The following JAKMIP2 variants were observed in gnomAD, a reference collection of about 807,000 sequenced individuals.
JAKMIP2 encodes the protein janus kinase and microtubule-interacting protein 2.
JAKMIP2 carries 25 observed loss-of-function variants against 115.0 expected under a neutral mutation model. The observed-to-expected ratio is 0.22, with a 90% CI of 0.16 to 0.30. The LOEUF (loss-of-function observed/expected upper bound fraction) is 0.30. JAKMIP2 is among the 10% of genes least tolerant of loss of function. The pLI, the probability that JAKMIP2 is intolerant of heterozygous loss-of-function variation, is 1.00. For missense variants in JAKMIP2, 642 were observed against 957.6 expected (o/e 0.67, Z 4.35); for synonymous variants, 334 against 343.6 (o/e 0.97, Z 0.31).
At chr5:147,641,902 C>A (rs1757897644) in intron 7 of JAKMIP2, 138 bp from the exon 8 acceptor site, 2 of 653,846 alleles carry the variant, frequency 3.1e-6, no homozygotes, top group Non-Finnish European at 5.2e-6. Context: ...ATTTTGGCAA[C>A]TTTTGGGATT....
rs529648323 is a variant in JAKMIP2 at position 147,610,755 on chromosome 5, T to G, written c.2412+1551A>C. On this transcript the variant is annotated intron_variant, in intron 20 of 21. Coordinates refer to ENST00000616793, the MANE Select transcript of JAKMIP2 (RefSeq NM_001270941.2). The stretch of plus-strand genomic sequence containing the variant: ...TCTCTTCAGAGCCAGCAGGCAGGAA[T>G]GTTTAAGTCTGCTGAAGCTGCACCC... Among the ~76,000 whole-genome samples, 3 of 152,274 alleles carry G rather than the reference T, an allele frequency of 2.0e-5. No individual in the cohort carries two copies. The South Asian group carries it at 6.2e-4, about 32-fold the overall frequency.
At chr5:147,593,125 A>T (rs986373626) in intron 21 of JAKMIP2, among the ~76,000 whole-genome samples, 2 of 152,212 alleles carry the variant, frequency 1.3e-5, no homozygotes, top group Non-Finnish European at 2.9e-5. Flanking sequence ...AGAACTGAAG[A>T]GTGATGACAG....
At chr5:147,643,339 A>G (rs1757971568) in intron 7 of JAKMIP2, among the ~76,000 whole-genome samples, 2 of 152,140 alleles carry the variant, frequency 1.3e-5, no homozygotes, top group Non-Finnish European at 2.9e-5. Context: ...TCTGGAGACT[A>G]TTGCCTAACT....
intron 1 of JAKMIP2, among the ~76,000 whole-genome samples, chr5:147,685,275 C>T (rs915264850): frequency 1.3e-5 from 2 of 152,114 alleles, no homozygotes; most frequent in African/African-American, 4.8e-5. Context: ...AGATGATACC[C>T]AACTCTCAGT....
rs150273503 is a variant in JAKMIP2, at chr5:147,671,783, C to T, written c.24G>A (p.Lys8=). 248 of 1,585,736 alleles carry T rather than the reference C, an allele frequency of 1.6e-4. No individual in the cohort carries two copies. In the African/African-American group the frequency reaches 2.6e-3, roughly 16 times the overall value. ...CAATGAGTGCCTCGGGCTTCTCGCC[C>T]TTATTTCGCCCTTTCTTGGACATTG... MSKKGRN[K]GEKPEALIVA... is the part of the protein sequence containing the mutation. Residue 8 remains lysine (K), a synonymous_variant, in exon 2 of 22, where the codon AAG becomes AAA. Coordinates refer to ENST00000616793, the MANE Select transcript of JAKMIP2 (RefSeq NM_001270941.2).
In JAKMIP2 at chr5:147,589,116, C is replaced by A. The variant is rs1281655154; in HGVS notation, c.*2591G>T. On this transcript the variant is annotated 3_prime_UTR_variant, in exon 22 of 22. Transcript: ENST00000616793. The stretch of plus-strand genomic sequence containing the variant: ...CATTTCTTGCCTAATGAGCATATGG[C>A]TCATATTTAATCTGGAACCTACCTA... 1.3e-5 allele frequency: 2 copies of A among 152,076 alleles called. No individual in the cohort carries two copies. The highest frequency in any genetic ancestry group is 2.9e-5 in the Non-Finnish European group (2 of 68,020). The allele number at this position is 152,076 out of a possible 1,614,324, so 9.4% of individuals were successfully genotyped here.
chr5:147,664,751 CT>C (rs1759209781), intron 2 of JAKMIP2, among the ~76,000 whole-genome samples: 1 of 152,120 alleles, frequency 6.6e-6, no homozygotes, highest in South Asian at 2.1e-4. Flanking sequence ...AGGCTGGTAA[CT>C]TTTAGAAAGT....
intron 1 of JAKMIP2, among the ~76,000 whole-genome samples, chr5:147,723,130 G>A (rs1704293471): frequency 6.6e-6 from 1 of 152,068 alleles, no homozygotes; most frequent in South Asian, 2.1e-4. Flanking sequence ...GCTTTCCTAA[G>A]CTACTTGGCC....
In JAKMIP2 at chr5:147,631,763, G is replaced by A. The variant is rs543150222; in HGVS notation, c.1777-252C>T. Among the ~76,000 whole-genome samples, 13 of 152,324 alleles carry A rather than the reference G, an allele frequency of 8.5e-5. No individual in the cohort carries two copies. In the East Asian group the frequency reaches 2.3e-3, roughly 27 times the overall value. ...TTTTTTGATCAGGGAAATGCAGGAA[G>A]TGGAGCTCCAGTTTAAACTGTATGA... On this transcript the variant is annotated intron_variant, in intron 13 of 21. Transcript: ENST00000616793.
intron 1 of JAKMIP2, among the ~76,000 whole-genome samples, chr5:147,673,083 T>A (rs1759716233): frequency 6.6e-6 from 1 of 151,978 alleles, no homozygotes; most frequent in African/African-American, 2.4e-5. Flanking sequence ...AGAGAATGAA[T>A]GCAAGAAGAC....
chr5:147,613,973 G>C (rs1189583613), intron 19 of JAKMIP2, among the ~76,000 whole-genome samples: 1 of 152,164 alleles, frequency 6.6e-6, no homozygotes, highest in Non-Finnish European at 1.5e-5. Flanking sequence ...CCATAGTGCT[G>C]TCAGTGCTCC....
At chr5:147,627,380 C>G (rs916660717) in intron 16 of JAKMIP2, among the ~76,000 whole-genome samples, 2 of 151,128 alleles carry the variant, frequency 1.3e-5, no homozygotes, top group African/African-American at 4.9e-5. Context: ...GTGTAAAGGA[C>G]CAAGAGTGGA....
At chr5:147,610,633 G>C (rs867452292) in intron 20 of JAKMIP2, among the ~76,000 whole-genome samples, 86 of 152,314 alleles carry the variant, frequency 5.6e-4, no homozygotes, top group African/African-American at 2.0e-3. Flanking sequence ...CTCCTGGGAG[G>C]TATCTCCCAG....
rs142486849 is a variant in JAKMIP2 at position 147,661,443 on chromosome 5, T to G, written c.132A>C (p.Val44=). 1.2e-6 allele frequency: 2 copies of G among 1,609,276 alleles called. No individual in the cohort carries two copies. Among genetic ancestry groups the G allele is most frequent in the Non-Finnish European group, 1.7e-6 (2 of 1,178,144 alleles). The part of the protein sequence containing the change: ...QIELHQEKSK[V]SKLEREKTQE... The stretch of plus-strand genomic sequence containing the variant: ...GAGTCTTCTCTCTTTCAAGCTTTGA[T>G]ACCTAAAAACAGAGAGGCGAAATGA... Residue 44 remains valine (V), a splice_region_variant and synonymous_variant, in exon 3 of 22, where the codon GTA becomes GTC. Coordinates refer to ENST00000616793, the MANE Select transcript of JAKMIP2 (RefSeq NM_001270941.2).
intron 9 of JAKMIP2, among the ~76,000 whole-genome samples, chr5:147,640,205 C>T (rs1757816838): frequency 1.3e-5 from 2 of 152,138 alleles, no homozygotes; most frequent in Non-Finnish European, 2.9e-5. Context: ...ACATCTTAAA[C>T]TTCAGGACAT....
At chr5:147,683,875 G>A (rs542468665) in intron 1 of JAKMIP2, among the ~76,000 whole-genome samples, 11 of 152,106 alleles carry the variant, frequency 7.2e-5, no homozygotes, top group South Asian at 6.2e-4. Context: ...AATAGCTTTC[G>A]GATATATTAC....
intron 17 of JAKMIP2, among the ~76,000 whole-genome samples, chr5:147,623,240 G>A (rs978326986): frequency 8.9e-6 from 1 of 112,060 alleles, no homozygotes. Context: ...TTTTTTTTTT[G>A]ATAAGAGTTA....
At chr5:147,697,821 G>T (rs1752165147) in intron 1 of JAKMIP2, among the ~76,000 whole-genome samples, 1 of 152,226 alleles carries the variant, frequency 6.6e-6, no homozygotes, top group African/African-American at 2.4e-5. Context: ...GAAATTTGCT[G>T]CAGGGGCGGA....
intron 13 of JAKMIP2, among the ~76,000 whole-genome samples, chr5:147,632,188 T>TA (rs1163953340): frequency 6.6e-6 from 1 of 152,180 alleles, no homozygotes; most frequent in East Asian, 1.9e-4. Context: ...CCTTGCTTCT[T>TA]AGTCTTTTTT....
Sources: allele counts gnomAD v4.1 joint callset (sites outside exome capture counted in the v4.1 genomes callset), GRCh38; gene constraint gnomAD v4.1.1; transcripts MANE v1.5; gene names NCBI Gene and HGNC (gene_info 2026-07-23, HGNC 2026-07-21).